SHLD1: variants seen among roughly 807,000 people sequenced by gnomAD.
SHLD1 encodes the protein shieldin complex subunit 1, also known as RINN1-REV7-interacting novel NHEJ regulator 3.
In SHLD1, 3 loss-of-function variants were observed where a neutral mutation model predicts 5.5. The ratio of observed to expected loss-of-function variants is 0.54; its 90% CI spans 0.25 to 1.40. The LOEUF (loss-of-function observed/expected upper bound fraction) is 1.40. Among genes scored for constraint, SHLD1 ranks in the 40% most tolerant of loss-of-function variants. The probability of loss-of-function intolerance (pLI) is 0.15; values close to 1 mark genes in which losing one functional copy is unlikely to be tolerated. For synonymous variants in SHLD1, 92 were observed against 94.3 expected (o/e 0.98, Z 0.14); for missense variants, 210 against 244.4 (o/e 0.86, Z 0.94).
At position 5,816,372 on chromosome 20, in the gene SHLD1, T is replaced by C. The variant is rs112487411; in HGVS notation, c.178+43329T>C. Among the ~76,000 whole-genome samples, 1,045 of 152,302 alleles carry C rather than the reference T, an allele frequency of 6.9e-3. 9 individuals carry two copies. The highest frequency in any genetic ancestry group is 0.024 in the African/African-American group (1,012 of 41,564). On this transcript the variant is annotated intron_variant, in intron 2 of 2. Coordinates refer to ENST00000303142, the MANE Select transcript of SHLD1 (RefSeq NM_152504.4). ...TCAGAAATAGTAAAGTTCTACTGCG[T>C]ATATTCGGGGTTTGCCAACAATGAT...
intron 2 of SHLD1, among the ~76,000 whole-genome samples, chr20:5,822,240 C>T (rs1277426715): frequency 6.6e-6 from 1 of 152,138 alleles, no homozygotes; most frequent in African/African-American, 2.4e-5. Flanking sequence ...GGCAGATCAC[C>T]TGAGGTCAGG....
At chr20:5,798,530 C>T (rs1198686206) in intron 2 of SHLD1, among the ~76,000 whole-genome samples, 1 of 151,960 alleles carries the variant, frequency 6.6e-6, no homozygotes, top group Non-Finnish European at 1.5e-5. Context: ...TCTCAATCTC[C>T]TGACCTTGTG....
chr20:5,848,067 A>G (rs1258410078), intron 2 of SHLD1, among the ~76,000 whole-genome samples: 1 of 152,254 alleles, frequency 6.6e-6, no homozygotes, highest in Non-Finnish European at 1.5e-5. Context: ...GTTTTACATA[A>G]TCAGCAATGG....
intron 2 of SHLD1, among the ~76,000 whole-genome samples, chr20:5,824,090 T>C (rs2087638940): frequency 6.6e-6 from 1 of 152,238 alleles, no homozygotes; most frequent in Non-Finnish European, 1.5e-5. Flanking sequence ...ATCAGCTCTC[T>C]GGGCCCCACA....
intron 1 of SHLD1, among the ~76,000 whole-genome samples, chr20:5,759,849 A>G (rs1232457308): frequency 6.6e-6 from 1 of 152,082 alleles, no homozygotes; most frequent in Non-Finnish European, 1.5e-5. Flanking sequence ...CCAACTTTTT[A>G]TTTTGATATA....
In SHLD1 at chr20:5,806,405, C is replaced by A. The variant is rs549006237; in HGVS notation, c.178+33362C>A. Among the ~76,000 whole-genome samples, 1 of 152,206 alleles carries A rather than the reference C, an allele frequency of 6.6e-6. No individual in the cohort carries two copies. The highest frequency in any genetic ancestry group is 1.5e-5 in the Non-Finnish European group (1 of 68,038). ...CCGTCCCTCTATCACTTACCCCATC[C>A]TTTGTGATGGTTTTGAAGCACTGAT... On this transcript the variant is annotated intron_variant, in intron 2 of 2. Transcript: ENST00000303142. The surrounding 1 kb of genome is among the most constrained non-coding windows in gnomAD (Gnocchi z 7.6).
At chr20:5,792,141 C>T (rs990913166) in intron 2 of SHLD1, among the ~76,000 whole-genome samples, 6 of 152,022 alleles carry the variant, frequency 3.9e-5, no homozygotes, top group African/African-American at 1.4e-4. Context: ...ATATTTTCTT[C>T]CTTTTTATAG....
At chr20:5,814,143 A>G (rs1314315357) in intron 2 of SHLD1, among the ~76,000 whole-genome samples, 2 of 150,744 alleles carry the variant, frequency 1.3e-5, no homozygotes, top group African/African-American at 2.4e-5. Flanking sequence ...TTTTGTAGAG[A>G]TGGGGTTTCT....
chr20:5,777,743 T>A (rs4815852), intron 2 of SHLD1, among the ~76,000 whole-genome samples: 35,954 of 151,664 alleles, frequency 0.24, 4,436 homozygotes, highest in African/African-American at 0.28. Context: ...AAAATCACAT[T>A]GTTATTGGAA....
chr20:5,795,282 C>T (rs147962407), intron 2 of SHLD1, among the ~76,000 whole-genome samples: 27 of 151,490 alleles, frequency 1.8e-4, no homozygotes, highest in Non-Finnish European at 2.9e-4. Flanking sequence ...CACACACACA[C>T]GCAAAACCAA....
intron 2 of SHLD1, among the ~76,000 whole-genome samples, chr20:5,801,663 G>A (rs574633868): frequency 6.6e-6 from 1 of 152,266 alleles, no homozygotes; most frequent in Non-Finnish European, 1.5e-5. Context: ...AGTGTGCACA[G>A]GGCAGGGCTC....
At chr20:5,832,596 C>T (rs1047474591) in intron 2 of SHLD1, among the ~76,000 whole-genome samples, 1 of 152,040 alleles carries the variant, frequency 6.6e-6, no homozygotes, top group Non-Finnish European at 1.5e-5. Flanking sequence ...TGTCATCACA[C>T]CCAGCTACGG....
intron 2 of SHLD1, among the ~76,000 whole-genome samples, chr20:5,854,500 A>G (rs2088055998): frequency 6.6e-6 from 1 of 152,148 alleles, no homozygotes; most frequent in Non-Finnish European, 1.5e-5. Context: ...TTCCTCCTTA[A>G]GTTACTAAGG....
intron 2 of SHLD1, among the ~76,000 whole-genome samples, chr20:5,815,788 A>G (rs1426552302): frequency 6.6e-6 from 1 of 152,146 alleles, no homozygotes; most frequent in African/African-American, 2.4e-5. Flanking sequence ...TTTTTATATA[A>G]AAGAAATGAG....
intron 1 of SHLD1, among the ~76,000 whole-genome samples, chr20:5,766,446 C>T (rs2122219785): frequency 6.6e-6 from 1 of 152,308 alleles, no homozygotes. Context: ...TAATATGTCT[C>T]CTATCTTTGC....
intron 2 of SHLD1, among the ~76,000 whole-genome samples, chr20:5,829,063 G>T (rs1363569800): frequency 1.3e-5 from 2 of 150,460 alleles, no homozygotes; most frequent in Non-Finnish European, 3.0e-5. Flanking sequence ...TTTTTGTAGA[G>T]ACAGAGTCTC....
At position 5,818,322 on chromosome 20, in the gene SHLD1, C is replaced by T. The variant is rs956972425; in HGVS notation, c.179-44702C>T. Reference sequence around the variant, plus strand: ...AACACCTGACCTTAAGTGATCCACCCGCCACAGCCTCCCAAAATACTGGGA... The same window carrying T: ...AACACCTGACCTTAAGTGATCCACCTGCCACAGCCTCCCAAAATACTGGGA... On this transcript the variant is annotated intron_variant, in intron 2 of 2. Transcript: ENST00000303142. 4.6e-5 allele frequency among the ~76,000 whole-genome samples: 7 copies of T among 152,210 alleles called. No homozygotes were observed. In the South Asian group the frequency reaches 1.5e-3, roughly 32 times the overall value.
At chr20:5,817,432 C>CTCTCTCTCTCTGTGTGTG (rs1473391202) in intron 2 of SHLD1, among the ~76,000 whole-genome samples, 4 of 85,588 alleles carry the variant, frequency 4.7e-5, no homozygotes, top group African/African-American at 1.1e-4. Context: ...CTCTCTCTCT[C>CTCTCTCTCTCTGTGTGTG]TGTGTGTGTG....
At chr20:5,823,416 C>G (rs1260890419) in intron 2 of SHLD1, among the ~76,000 whole-genome samples, 4 of 151,640 alleles carry the variant, frequency 2.6e-5, no homozygotes, top group Admixed American at 2.6e-4. Flanking sequence ...AGTCATAGTG[C>G]CTGGTCTAGC....
Sources: gnomAD v4.1 joint callset for allele counts (sites outside exome capture counted in the v4.1 genomes callset) on GRCh38, gnomAD v4.1.1 for gene constraint, Gnocchi (gnomAD v3.1) non-coding constraint, MANE v1.5 for transcripts, NCBI Gene and HGNC (gene_info 2026-07-23, HGNC 2026-07-21) for gene names.